DHRS7: variants seen among roughly 807,000 people sequenced by gnomAD.
The protein encoded by DHRS7 is dehydrogenase/reductase 7.
In DHRS7, 34 loss-of-function variants were observed where a neutral mutation model predicts 38.9. The observed-to-expected ratio is 0.87, with a 90% CI of 0.66 to 1.16. The LOEUF is 1.16. DHRS7 is among the 50% of genes most tolerant of loss of function. DHRS7 has a pLI of 0.00. For synonymous variants in DHRS7, 158 were observed against 153.1 expected (o/e 1.03, Z -0.24); for missense variants, 421 against 407.0 (o/e 1.03, Z -0.30).
upstream of DHRS7, among the ~76,000 whole-genome samples, chr14:60,167,671 A>T (rs200172502): frequency 6.6e-5 from 10 of 152,158 alleles, no homozygotes; most frequent in African/African-American, 2.2e-4. Flanking sequence ...TAGGCGGGGG[A>T]AAAAAAGAGT....
chr14:60,160,203 G>T (rs2140609796), intron 1 of DHRS7, among the ~76,000 whole-genome samples: 1 of 152,136 alleles, frequency 6.6e-6, no homozygotes, highest in South Asian at 2.1e-4. Flanking sequence ...GTGGGTGCCT[G>T]TAATCCCAGC....
intron 1 of DHRS7, among the ~76,000 whole-genome samples, chr14:60,156,687 C>T (rs183535666): frequency 2.0e-5 from 3 of 152,182 alleles, no homozygotes; most frequent in Non-Finnish European, 4.4e-5. Context: ...TGGAAACATC[C>T]TAGATTTTTA....
chr14:60,160,077 G>A (rs1260794738), intron 1 of DHRS7, among the ~76,000 whole-genome samples: 4 of 152,176 alleles, frequency 2.6e-5, no homozygotes, highest in South Asian at 2.1e-4. Context: ...TGTAATCCCA[G>A]CACTTTGGGA....
Position 60,162,457 on chromosome 14 carries a change from G to A in DHRS7, c.133+2720C>T, listed in dbSNP as rs546009378. 4.9e-4 allele frequency among the ~76,000 whole-genome samples: 74 copies of A among 152,240 alleles called. No homozygotes were observed. Among genetic ancestry groups the A allele is most frequent in the African/African-American group, 1.8e-3 (73 of 41,538 alleles). Reference sequence around the variant, plus strand: ...TCTCTAGACGGATACAGAGGAGGCAGGAAATGGTGGCTGCCTCGAGAGAAG... The same window carrying A: ...TCTCTAGACGGATACAGAGGAGGCAAGAAATGGTGGCTGCCTCGAGAGAAG... On this transcript the variant is annotated intron_variant, in intron 1 of 6. Transcript: ENST00000557185. The surrounding 1 kb of genome is among the most constrained non-coding windows in gnomAD (Gnocchi z 4.5).
At chr14:60,151,362 TG>T (rs1896540600) in intron 4 of DHRS7, among the ~76,000 whole-genome samples, 2 of 152,294 alleles carry the variant, frequency 1.3e-5, no homozygotes, top group African/African-American at 4.8e-5. Context: ...AAGACTACAT[TG>T]TTATAAGGCT....
chr14:60,158,880 A>G (rs1160990350), intron 1 of DHRS7: 1 of 188,780 alleles, frequency 5.3e-6, no homozygotes, highest in Non-Finnish European at 1.1e-5. Flanking sequence ...TTATACTGAT[A>G]TGATAAGCTT....
At chr14:60,167,743 A>G (rs1896885826), upstream of DHRS7, among the ~76,000 whole-genome samples, 1 of 152,250 alleles carries the variant, frequency 6.6e-6, no homozygotes, top group Non-Finnish European at 1.5e-5. Flanking sequence ...TTCTTCCTCA[A>G]GAACAATAAG....
chr14:60,155,376 G>A (rs755829699), intron 2 of DHRS7, among the ~76,000 whole-genome samples: 33 of 152,162 alleles, frequency 2.2e-4, no homozygotes, highest in Non-Finnish European at 1.0e-4. Flanking sequence ...TTGAACCTGT[G>A]AGGCGGAAGT....
Position 60,144,780 on chromosome 14 carries a change from T to G in DHRS7, c.*186A>C. ...AGAATATAGTATGAGTTAATACCTT[T>G]TTTGCAAGATTCATGGCAATCTTTT... On this transcript the variant is annotated 3_prime_UTR_variant, in exon 7 of 7. Coordinates refer to ENST00000557185, the MANE Select transcript of DHRS7 (RefSeq NM_016029.4). The G allele has an allele frequency of 1.7e-6, 1 of 596,594 alleles. No individual in the cohort carries two copies. Among genetic ancestry groups the G allele is most frequent in the Non-Finnish European group, 2.9e-6 (1 of 341,866 alleles). 37.0% of individuals were successfully genotyped at this position (596,594 alleles called of 1,614,324 possible). A position where few individuals can be genotyped will look rare whatever the true frequency, so the allele number is the denominator to read the frequency against.
intron 1 of DHRS7, 131 bp from the exon 2 acceptor site, chr14:60,156,283 T>C: frequency 1.4e-6 from 1 of 740,066 alleles, no homozygotes; most frequent in African/African-American, 1.8e-5. Flanking sequence ...AGAGTTAAAA[T>C]TTGAAATATT....
chr14:60,158,279 C>T (rs909978422), intron 1 of DHRS7, among the ~76,000 whole-genome samples: 1 of 151,238 alleles, frequency 6.6e-6, no homozygotes, highest in East Asian at 1.9e-4. Context: ...TGGAAACATC[C>T]CAAATACTAT....
chr14:60,146,179 T>C lies in DHRS7; in HGVS notation c.973-1166A>G, dbSNP rs949779569. ...GTAAGACTATATAATAAGCAATATT[T>C]CAAAGATGGTGGTAGGAAGAAAAAG... On this transcript the variant is annotated intron_variant, in intron 6 of 6. Transcript: ENST00000557185. The surrounding 1 kb of genome is among the most constrained non-coding windows in gnomAD (Gnocchi z 4.9). The C allele has an allele frequency of 2.0e-4, 31 of 152,062 alleles. No individual in the cohort carries two copies. Among genetic ancestry groups the C allele is most frequent in the African/African-American group, 7.5e-4 (31 of 41,516 alleles). The allele number at this position is 152,062 out of a possible 1,614,324, so 9.4% of individuals were successfully genotyped here. A position where few individuals can be genotyped will look rare whatever the true frequency, so the allele number is the denominator to read the frequency against.
At chr14:60,163,737 C>T (rs1367102012) in intron 1 of DHRS7, among the ~76,000 whole-genome samples, 1 of 152,136 alleles carries the variant, frequency 6.6e-6, no homozygotes, top group Non-Finnish European at 1.5e-5. Context: ...TGCTTTTTAG[C>T]ACTTGACATA....
upstream of DHRS7, chr14:60,165,413 C>T: frequency 1.1e-5 from 16 of 1,452,066 alleles, no homozygotes; most frequent in Non-Finnish European, 1.4e-5. The surrounding 1 kb of genome is among the most constrained non-coding windows in gnomAD (Gnocchi z 4.6). Flanking sequence ...AGCCCAGAGC[C>T]GCACTGCCCC....
chr14:60,159,468 T>C (rs1453752241), intron 1 of DHRS7: 1 of 199,536 alleles, frequency 5.0e-6, no homozygotes, highest in African/African-American at 2.4e-5. Context: ...GCAACATTCA[T>C]AGCATAACAG....
At chr14:60,165,565 G>C, upstream of DHRS7, 1 of 1,264,386 alleles carries the variant, frequency 7.9e-7, no homozygotes. The surrounding 1 kb of genome is among the most constrained non-coding windows in gnomAD (Gnocchi z 4.6). Flanking sequence ...TTGAATTCAA[G>C]TGTCCGAGAC....
At position 60,152,726 on chromosome 14, in the gene DHRS7, C is replaced by T. The variant is rs1595193974; in HGVS notation, c.633+213G>A. 6.8e-6 allele frequency: 4 copies of T among 587,114 alleles called. No individual in the cohort carries two copies. The East Asian group carries it at 8.6e-5, about 13-fold the overall frequency. 36.4% of individuals were successfully genotyped at this position (587,114 alleles called of 1,614,324 possible). A position where few individuals can be genotyped will look rare whatever the true frequency, so the allele number is the denominator to read the frequency against. ...TTGTAGTACATGGCACAATGCAGTG[C>T]TTGATACATATTTATTTGTTCAACA... On this transcript the variant is annotated intron_variant, in intron 4 of 6. Transcript: ENST00000557185.
chr14:60,150,038 A>T (rs1896503275), intron 5 of DHRS7, 27 bp downstream of exon 5: 2 of 1,593,960 alleles, frequency 1.3e-6, no homozygotes, highest in African/African-American at 2.7e-5. Flanking sequence ...GTAAACATTC[A>T]AATTATTCCC....
At chr14:60,151,087 C>T (rs969104563) in intron 4 of DHRS7, among the ~76,000 whole-genome samples, 5 of 152,186 alleles carry the variant, frequency 3.3e-5, no homozygotes, top group Admixed American at 2.6e-4. Context: ...TAGTACTTCA[C>T]AGAAAGTATC....
Sources: gnomAD v4.1 joint callset for allele counts (sites outside exome capture counted in the v4.1 genomes callset) on GRCh38, gnomAD v4.1.1 for gene constraint, Gnocchi (gnomAD v3.1) non-coding constraint, MANE v1.5 for transcripts, NCBI Gene and HGNC (gene_info 2026-07-23, HGNC 2026-07-21) for gene names.